Variants in PLEKHA5 observed in about 807,000 individuals in gnomAD.
PLEKHA5 encodes the protein pleckstrin homology domain-containing family A member 5.
Under a neutral mutation model 181.9 loss-of-function variants are expected in PLEKHA5, and 55 were observed. The ratio of observed to expected loss-of-function variants is 0.30; its 90% CI spans 0.24 to 0.38. PLEKHA5 has a LOEUF of 0.38. Ranked by LOEUF, PLEKHA5 falls within the 10% of genes least tolerant of loss-of-function variation. The probability of loss-of-function intolerance (pLI) is 1.00; values close to 1 mark genes in which losing one functional copy is unlikely to be tolerated. For missense variants in PLEKHA5, 1,432 were observed against 1,549.5 expected (o/e 0.92, Z 1.27); for synonymous variants, 535 against 529.4 (o/e 1.01, Z -0.15).
At chr12:19,175,506 A>G (rs2046972785) in intron 3 of PLEKHA5, among the ~76,000 whole-genome samples, 1 of 152,208 alleles carries the variant, frequency 6.6e-6, no homozygotes, top group South Asian at 2.1e-4. Flanking sequence ...ATACTAATAA[A>G]GTTTTTATTT....
At chr12:19,200,099 A>G (rs1302920399) in intron 3 of PLEKHA5, among the ~76,000 whole-genome samples, 1 of 152,048 alleles carries the variant, frequency 6.6e-6, no homozygotes, top group Non-Finnish European at 1.5e-5. Context: ...GCAATGTATT[A>G]AATGCATTTC....
At chr12:19,228,670 A>T (rs1326952649) in intron 3 of PLEKHA5, among the ~76,000 whole-genome samples, 2 of 152,200 alleles carry the variant, frequency 1.3e-5, no homozygotes, top group Non-Finnish European at 2.9e-5. Context: ...AGGCAGCCAA[A>T]GTCCATTTGT....
rs1185070360 is a variant in PLEKHA5, at chr12:19,334,827, AAAATATATATATATATAT to A, written c.2449-1686_2449-1669del. Among the ~76,000 whole-genome samples the A allele has an allele frequency of 1.1e-3, 19 of 16,578 alleles. 2 individuals carry two copies. The highest frequency in any genetic ancestry group is 2.5e-3 in the African/African-American group (19 of 7,562). 10.9% of individuals were successfully genotyped at this position (16,578 alleles called of 152,430 possible). A position where few individuals can be genotyped will look rare whatever the true frequency, so the allele number is the denominator to read the frequency against. ...CAAAATCCTGTCTTCACAAAAAAAA[AAAATATATATATATATAT>A]ATATATATATATATATATATATATC... is the stretch of plus-strand genomic sequence containing the variant. On this transcript the variant is annotated intron_variant, in intron 20 of 31. Coordinates refer to ENST00000429027, the MANE Select transcript of PLEKHA5 (RefSeq NM_001256470.2).
intron 29 of PLEKHA5, among the ~76,000 whole-genome samples, chr12:19,364,457 GC>G (rs1428961947): frequency 6.6e-6 from 1 of 151,846 alleles, no homozygotes; most frequent in East Asian, 2.0e-4. Flanking sequence ...GTCTCAGTGA[GC>G]CGAGATCCCG....
chr12:19,139,520 A>G (rs1180925722), intron 3 of PLEKHA5, among the ~76,000 whole-genome samples: 1 of 152,188 alleles, frequency 6.6e-6, no homozygotes, highest in Non-Finnish European at 1.5e-5. Context: ...TCATTCAACA[A>G]ATGCTTATTG....
At chr12:19,215,894 A>G (rs1194814769) in intron 3 of PLEKHA5, among the ~76,000 whole-genome samples, 1 of 152,224 alleles carries the variant, frequency 6.6e-6, no homozygotes, top group Non-Finnish European at 1.5e-5. Context: ...AAGGTTGTAT[A>G]ATATTGAGTT....
chr12:19,170,918 C>G (rs750170013), intron 3 of PLEKHA5, among the ~76,000 whole-genome samples: 3 of 152,174 alleles, frequency 2.0e-5, no homozygotes, highest in Non-Finnish European at 4.4e-5. Flanking sequence ...TTGTAAAACT[C>G]TTGTTTATAG....
intron 10 of PLEKHA5, among the ~76,000 whole-genome samples, chr12:19,273,969 C>T (rs1389248227): frequency 2.0e-5 from 3 of 152,202 alleles, no homozygotes; most frequent in African/African-American, 7.2e-5. Flanking sequence ...GCAAGCTGGA[C>T]ATGTGCAGTC....
chr12:19,319,862 C>G (rs1196472838), intron 16 of PLEKHA5, 159 bp from the exon 17 acceptor site: 1 of 482,096 alleles, frequency 2.1e-6, no homozygotes, highest in Non-Finnish European at 3.7e-6. Context: ...TGAATAATTC[C>G]TTACAATATA....
At chr12:19,158,690 CTTGTGGAGT>C (rs965580378) in intron 3 of PLEKHA5, among the ~76,000 whole-genome samples, 1 of 152,076 alleles carries the variant, frequency 6.6e-6, no homozygotes, top group Non-Finnish European at 1.5e-5. Flanking sequence ...TAGTAGAAGT[CTTGTGGAGT>C]TTGTGGAGTT....
In PLEKHA5 at chr12:19,296,852, G is replaced by T. The variant is rs148451866; in HGVS notation, c.2037+5155G>T. 4.6e-3 allele frequency among the ~76,000 whole-genome samples: 693 copies of T among 152,304 alleles called. 1 individual carries two copies. The highest frequency in any genetic ancestry group is 0.01 in the Middle Eastern group (3 of 294). On this transcript the variant is annotated intron_variant, in intron 15 of 31. Transcript: ENST00000429027. ...CCAGGCATGAAAGGAGTATTAATAG[G>T]AATGGGGAAGTTGGAACGTGTTTCC...
chr12:19,329,503 A>G (rs1307064993), intron 20 of PLEKHA5, among the ~76,000 whole-genome samples: 2 of 152,130 alleles, frequency 1.3e-5, no homozygotes, highest in African/African-American at 4.8e-5. Flanking sequence ...TACAGATTCA[A>G]TTTCAGAACT....
chr12:19,300,368 C>T (rs2081135200), intron 15 of PLEKHA5, among the ~76,000 whole-genome samples: 1 of 152,124 alleles, frequency 6.6e-6, no homozygotes, highest in African/African-American at 2.4e-5. Context: ...ACAAAATGTC[C>T]CTACCTATTC....
chr12:19,329,987 G>A (rs997831925), intron 20 of PLEKHA5, among the ~76,000 whole-genome samples: 6 of 151,666 alleles, frequency 4.0e-5, no homozygotes, highest in African/African-American at 1.5e-4. Flanking sequence ...CTACTCAGGA[G>A]GCTGAGGCAG....
intron 11 of PLEKHA5, among the ~76,000 whole-genome samples, chr12:19,275,501 G>A (rs11044473): frequency 0.1 from 15,743 of 152,074 alleles, 1,161 homozygotes; most frequent in Non-Finnish European, 0.16. Flanking sequence ...GCAGTTTTTC[G>A]GCTTGTAATC....
chr12:19,209,565 G>A (rs2056481216), intron 3 of PLEKHA5, among the ~76,000 whole-genome samples: 1 of 152,204 alleles, frequency 6.6e-6, no homozygotes. Flanking sequence ...GAGAAGAGCA[G>A]AGCTTCCAGT....
chr12:19,289,806 A>T (rs1369858786), intron 13 of PLEKHA5, among the ~76,000 whole-genome samples: 4 of 152,170 alleles, frequency 2.6e-5, no homozygotes, highest in Non-Finnish European at 5.9e-5. Context: ...TCTTTTGGTC[A>T]TAAAAAATGC....
intron 3 of PLEKHA5, among the ~76,000 whole-genome samples, chr12:19,164,547 C>T (rs2043820889): frequency 6.6e-6 from 1 of 152,058 alleles, no homozygotes; most frequent in African/African-American, 2.4e-5. Context: ...TTGAATGTGG[C>T]TATGATGTTA....
At chr12:19,334,981 A>G (rs1380499356) in intron 20 of PLEKHA5, among the ~76,000 whole-genome samples, 1 of 60,252 alleles carries the variant, frequency 1.7e-5, no homozygotes, top group African/African-American at 8.6e-5. Flanking sequence ...TTTTTTTTTT[A>G]TGAAAAAAAA....
Sources: gnomAD v4.1 joint callset for allele counts (sites outside exome capture counted in the v4.1 genomes callset) on GRCh38, gnomAD v4.1.1 for gene constraint, MANE v1.5 for transcripts, NCBI Gene and HGNC (gene_info 2026-07-23, HGNC 2026-07-21) for gene names.